STEAP3: variants seen among roughly 807,000 people sequenced by gnomAD.
The protein encoded by STEAP3 is STEAP3 metalloreductase.
Under a neutral mutation model 34.9 loss-of-function variants are expected in STEAP3, and 35 were observed. The observed-to-expected ratio is 1.00, with a 90% CI of 0.76 to 1.33. STEAP3 has a LOEUF of 1.33. Among genes scored for constraint, STEAP3 ranks in the 40% most tolerant of loss-of-function variants. STEAP3 has a pLI of 0.00. For synonymous variants in STEAP3, 281 were observed against 301.6 expected (o/e 0.93, Z 0.71); for missense variants, 652 against 667.6 (o/e 0.98, Z 0.26).
At chr2:119,227,007 A>G (rs901423121) in intron 1 of STEAP3, among the ~76,000 whole-genome samples, 1 of 152,138 alleles carries the variant, frequency 6.6e-6, no homozygotes, top group Non-Finnish European at 1.5e-5. Context: ...TCGGTTATTC[A>G]TTCAACAAAC....
In STEAP3 at chr2:119,248,099, A is replaced by G; in HGVS notation, c.943A>G (p.Ile315Val). 6.2e-7 allele frequency: 1 copy of G among 1,608,644 alleles called. No individual in the cohort carries two copies. Among genetic ancestry groups the G allele is most frequent in the South Asian group, 1.1e-5 (1 of 91,074 alleles). Residue 315 changes from isoleucine (I) to valine (V), a missense_variant, in exon 4 of 6, where the codon ATC becomes GTC. Transcript: ENST00000393110. Reference sequence around the variant, plus strand: ...CCACTGGCTACAGCACCGCAAGCAGATCGGGCTGCTCAGCTTCTTCTGCGC... The same window carrying G: ...CCACTGGCTACAGCACCGCAAGCAGGTCGGGCTGCTCAGCTTCTTCTGCGC... ...LDHWLQHRKQ[I>V]GLLSFFCAAL... is the part of the protein sequence containing the mutation.
intron 4 of STEAP3, among the ~76,000 whole-genome samples, chr2:119,252,192 T>C (rs1327962141): frequency 6.6e-6 from 1 of 152,218 alleles, no homozygotes; most frequent in African/African-American, 2.4e-5. Context: ...GCCCACTGTG[T>C]GCCTGTTCCA....
At chr2:119,228,593 G>A (rs1422201677) in intron 1 of STEAP3, among the ~76,000 whole-genome samples, 3 of 152,190 alleles carry the variant, frequency 2.0e-5, no homozygotes, top group Non-Finnish European at 4.4e-5. Flanking sequence ...AAGGAAGCAA[G>A]ACAGTGCTGG....
At position 119,254,761 on chromosome 2, in the gene STEAP3, G is replaced by A. The variant is rs757280229; in HGVS notation, c.1128G>A (p.Leu376=). ...RMEIYLSLGV[L]ALGTLSLLAV... ...AGATCTACCTCTCCCTGGGAGTGCTGGCCCTCGGCACGTTGTCCCTGCTGG... is the reference window on the plus strand; with the variant it reads ...AGATCTACCTCTCCCTGGGAGTGCTAGCCCTCGGCACGTTGTCCCTGCTGG... The change falls in exon 5 of 6, where the codon CTG becomes CTA. Residue 376 remains leucine, a synonymous_variant. Coordinates refer to ENST00000393110, the MANE Select transcript of STEAP3 (RefSeq NM_182915.3). The A allele has an allele frequency of 4.3e-6, 7 of 1,614,176 alleles. No individual in the cohort carries two copies. The highest frequency in any genetic ancestry group is 5.9e-6 in the Non-Finnish European group (7 of 1,180,038).
At chr2:119,256,055 T>C (rs1042130993) in intron 5 of STEAP3, among the ~76,000 whole-genome samples, 2 of 152,226 alleles carry the variant, frequency 1.3e-5, no homozygotes, top group Non-Finnish European at 2.9e-5. Flanking sequence ...TGCTGTATCC[T>C]GCCATTGTAA....
At chr2:119,228,928 C>T (rs994838944) in intron 1 of STEAP3, among the ~76,000 whole-genome samples, 46 of 152,154 alleles carry the variant, frequency 3.0e-4, no homozygotes, top group African/African-American at 1.0e-3. Flanking sequence ...CTCCTGTACT[C>T]TCAAAAGCAA....
In STEAP3 at chr2:119,262,935, C is replaced by G. The variant is rs1573587504; in HGVS notation, c.1216-122C>G. On this transcript the variant is annotated intron_variant, in intron 5 of 5. Coordinates refer to ENST00000393110, the MANE Select transcript of STEAP3 (RefSeq NM_182915.3). ...GAGTGACAGGACTGGGGTTCCAACCCATAGCGGTGAGTACTAAAGCCACCC... is the reference window on the plus strand; with the variant it reads ...GAGTGACAGGACTGGGGTTCCAACCGATAGCGGTGAGTACTAAAGCCACCC... 3.0e-6 allele frequency: 4 copies of G among 1,342,616 alleles called. No individual in the cohort carries two copies. The East Asian group carries it at 9.2e-5, about 31-fold the overall frequency. The allele number at this position is 1,342,616 out of a possible 1,614,324, so 83.2% of individuals were successfully genotyped here.
At chr2:119,233,396 G>A (rs1400280939) in intron 2 of STEAP3, among the ~76,000 whole-genome samples, 1 of 152,150 alleles carries the variant, frequency 6.6e-6, no homozygotes, top group Non-Finnish European at 1.5e-5. Context: ...ATCAAATAGC[G>A]AAATGCTTGG....
intron 2 of STEAP3, among the ~76,000 whole-genome samples, chr2:119,241,669 G>A (rs868272951): frequency 6.6e-5 from 10 of 152,290 alleles, no homozygotes; most frequent in African/African-American, 2.4e-4. Flanking sequence ...GCGCCAGTTA[G>A]GGGCAGACGT....
intron 2 of STEAP3, chr2:119,244,333 C>G (rs1677342260): frequency 6.6e-6 from 1 of 151,764 alleles, no homozygotes; most frequent in Non-Finnish European, 1.5e-5. Context: ...AACTCCTGGG[C>G]TCAAGCGATC....
chr2:119,238,851 G>A lies in STEAP3; in HGVS notation c.23-6638G>A, dbSNP rs116444922. On this transcript the variant is annotated intron_variant, in intron 2 of 5. Transcript: ENST00000393110. ...CCCCAGAGGCTACATAGGCTCCAGT[G>A]GTGTGTGCAGTCAGGCAGAGAGATG... 3.4e-3 allele frequency among the ~76,000 whole-genome samples: 522 copies of A among 152,324 alleles called. 3 individuals carry two copies. The highest frequency in any genetic ancestry group is 0.012 in the African/African-American group (494 of 41,560).
intron 2 of STEAP3, among the ~76,000 whole-genome samples, chr2:119,237,922 T>C (rs2104804423): frequency 6.6e-6 from 1 of 152,368 alleles, no homozygotes; most frequent in Non-Finnish European, 1.5e-5. Context: ...TAAGTGTAAT[T>C]ATGTAATGTC....
chr2:119,263,797 T>C lies in STEAP3; in HGVS notation c.*459T>C, dbSNP rs1217986351. Reference sequence around the variant, plus strand: ...CAAGGCTCTTGCAGAGCTAGGGCTCTGAAGGGGAGGGAAGGCAACGGCTCT... The same window carrying C: ...CAAGGCTCTTGCAGAGCTAGGGCTCCGAAGGGGAGGGAAGGCAACGGCTCT... On this transcript the variant is annotated 3_prime_UTR_variant, in exon 6 of 6. Coordinates refer to ENST00000393110, the MANE Select transcript of STEAP3 (RefSeq NM_182915.3). The C allele has an allele frequency of 3.6e-6, 1 of 278,392 alleles. No individual in the cohort carries two copies. The highest frequency in any genetic ancestry group is 5.1e-5 in the Admixed American group (1 of 19,744). The allele number at this position is 278,392 out of a possible 1,614,324, so 17.2% of individuals were successfully genotyped here. A position where few individuals can be genotyped will look rare whatever the true frequency, so the allele number is the denominator to read the frequency against.
intron 2 of STEAP3, among the ~76,000 whole-genome samples, chr2:119,234,606 G>C (rs1050123669): frequency 6.6e-6 from 1 of 152,238 alleles, no homozygotes; most frequent in Non-Finnish European, 1.5e-5. Flanking sequence ...GCATGGCCCC[G>C]GCGCCTTGCT....
Position 119,247,909 on chromosome 2 carries a change from G to A in STEAP3, c.753G>A (p.Gln251=), listed in dbSNP as rs1313732968. 6.2e-7 allele frequency: 1 copy of A among 1,613,902 alleles called. No individual in the cohort carries two copies. Among genetic ancestry groups the A allele is most frequent in the East Asian group, 2.2e-5 (1 of 44,878 alleles). ...FVRDVLQPYV[Q]ESQNKFFKLP... ...GGGACGTTCTGCAGCCCTATGTGCAGGAAAGCCAGAACAAGTTCTTCAAGC... is the reference window on the plus strand; with the variant it reads ...GGGACGTTCTGCAGCCCTATGTGCAAGAAAGCCAGAACAAGTTCTTCAAGC... Residue 251 remains glutamine (Q), a synonymous_variant, in exon 4 of 6, where the codon CAG becomes CAA. Transcript: ENST00000393110.
At chr2:119,252,331 G>C (rs1677649812) in intron 4 of STEAP3, among the ~76,000 whole-genome samples, 1 of 152,228 alleles carries the variant, frequency 6.6e-6, no homozygotes, top group Non-Finnish European at 1.5e-5. Context: ...GTCAGCGTCA[G>C]AATCCAGGCC....
intron 5 of STEAP3, among the ~76,000 whole-genome samples, chr2:119,258,750 G>A (rs1677852633): frequency 1.3e-5 from 2 of 150,170 alleles, no homozygotes; most frequent in South Asian, 4.3e-4. Flanking sequence ...TGGGACTACA[G>A]GCGCCCGGCA....
rs188874125 is a variant in STEAP3 at position 119,241,988 on chromosome 2, T to C, written c.23-3501T>C. 3.1e-4 allele frequency among the ~76,000 whole-genome samples: 47 copies of C among 152,324 alleles called. No individual in the cohort carries two copies. The East Asian group carries it at 8.5e-3, about 28-fold the overall frequency. On this transcript the variant is annotated intron_variant, in intron 2 of 5. Coordinates refer to ENST00000393110, the MANE Select transcript of STEAP3 (RefSeq NM_182915.3). ...GCCCCCTGGGCAAGAGCCTGGGCCA[T>C]ACCTGTGCCATTCCTGAGCTCTGTC...
intron 2 of STEAP3, among the ~76,000 whole-genome samples, chr2:119,235,906 G>C (rs558275317): frequency 1.2e-3 from 188 of 152,292 alleles, no homozygotes; most frequent in Admixed American, 2.4e-3. Flanking sequence ...CGACCCCAGT[G>C]CCCCAGTGCC....
Sources: gnomAD v4.1 joint callset for allele counts (sites outside exome capture counted in the v4.1 genomes callset) on GRCh38, gnomAD v4.1.1 for gene constraint, MANE v1.5 for transcripts, NCBI Gene and HGNC (gene_info 2026-07-23, HGNC 2026-07-21) for gene names.